Variants in MAP6 observed in about 807,000 individuals in gnomAD.
MAP6 encodes the protein microtubule-associated protein 6.
In MAP6, 26 loss-of-function variants were observed where a neutral mutation model predicts 42.4. That is an observed-to-expected ratio of 0.61 (90% CI 0.45 to 0.85). MAP6 has a LOEUF of 0.85. MAP6 is among the 40% of genes least tolerant of loss of function. The pLI is 0.00. For synonymous variants in MAP6, 418 were observed against 443.8 expected (o/e 0.94, Z 0.73); for missense variants, 966 against 1,099.0 (o/e 0.88, Z 1.71).
chr11:75,653,990 C>A (rs1178715734), intron 1 of MAP6, among the ~76,000 whole-genome samples: 1 of 152,210 alleles, frequency 6.6e-6, no homozygotes, highest in Non-Finnish European at 1.5e-5. Flanking sequence ...TCAATTAATT[C>A]ATATCTATTA....
chr11:75,608,014 TG>T, intron 2 of MAP6, 94 bp downstream of exon 2: 1 of 1,223,516 alleles, frequency 8.2e-7, no homozygotes, highest in Non-Finnish European at 1.2e-6. Context: ...CCGTGGAGGC[TG>T]GGCCAGATTT....
chr11:75,595,832 CTCTT>C (rs1942569767), intron 3 of MAP6, among the ~76,000 whole-genome samples: 1 of 150,064 alleles, frequency 6.7e-6, no homozygotes, highest in Non-Finnish European at 1.5e-5. Context: ...TGCTTCATCT[CTCTT>C]TCCCTCTCTC....
chr11:75,648,794 CAGA>C lies in MAP6; in HGVS notation c.905+18668_905+18670del, dbSNP rs371128772. Among the ~76,000 whole-genome samples, 12 of 152,208 alleles carry C rather than the reference CAGA, an allele frequency of 7.9e-5. No homozygotes were observed. In the East Asian group the frequency reaches 1.7e-3, roughly 22 times the overall value. On this transcript the variant is annotated intron_variant, in intron 1 of 3. Coordinates refer to ENST00000304771, the MANE Select transcript of MAP6 (RefSeq NM_033063.2). ...GGAAAGGGTAGGAATATGCAATTCA[CAGA>C]AGAAGAAATGCAAATTGTGTATAAA...
intron 1 of MAP6, among the ~76,000 whole-genome samples, chr11:75,641,345 G>A (rs953022504): frequency 8.4e-6 from 1 of 118,374 alleles, no homozygotes; most frequent in Non-Finnish European, 1.7e-5. Context: ...GGGGTGGGGG[G>A]AGGGGGAGGG....
At chr11:75,604,709 A>C (rs1392610535) in intron 3 of MAP6, 1 of 985,248 alleles carries the variant, frequency 1.0e-6, no homozygotes, top group Non-Finnish European at 1.2e-6. Context: ...ACGACACGGA[A>C]TATACTGAGA....
intron 1 of MAP6, among the ~76,000 whole-genome samples, chr11:75,661,613 A>C (rs952142724): frequency 1.3e-5 from 2 of 152,168 alleles, no homozygotes; most frequent in African/African-American, 4.8e-5. Context: ...AATAAGAGAA[A>C]AAGCATTCAA....
chr11:75,593,164 T>C (rs140144518), intron 3 of MAP6, among the ~76,000 whole-genome samples: 4 of 152,360 alleles, frequency 2.6e-5, no homozygotes, highest in African/African-American at 9.6e-5. Flanking sequence ...TAGACTGAAG[T>C]GTCCAGAGGG....
chr11:75,649,848 A>C (rs1943619643), intron 1 of MAP6, among the ~76,000 whole-genome samples: 1 of 152,082 alleles, frequency 6.6e-6, no homozygotes, highest in Admixed American at 6.6e-5. Context: ...CTCAAATATA[A>C]TAAAACGTTA....
chr11:75,632,843 A>G (rs1001747634), intron 1 of MAP6, among the ~76,000 whole-genome samples: 1 of 152,210 alleles, frequency 6.6e-6, no homozygotes, highest in Non-Finnish European at 1.5e-5. Flanking sequence ...ATTTAATTCA[A>G]TATGTTAATT....
intron 1 of MAP6, among the ~76,000 whole-genome samples, chr11:75,659,256 G>T (rs190117140): frequency 1.8e-4 from 27 of 152,204 alleles, no homozygotes; most frequent in African/African-American, 6.0e-4. Flanking sequence ...CTGAAGCAGG[G>T]GGATCACCCG....
intron 1 of MAP6, among the ~76,000 whole-genome samples, chr11:75,629,195 T>A (rs1392485135): frequency 6.6e-6 from 1 of 152,184 alleles, no homozygotes; most frequent in African/African-American, 2.4e-5. Flanking sequence ...TCAAGTGATT[T>A]TCCTGCCTTA....
chr11:75,623,178 CA>C (rs1248183964), intron 1 of MAP6, among the ~76,000 whole-genome samples: 1 of 151,952 alleles, frequency 6.6e-6, no homozygotes, highest in Non-Finnish European at 1.5e-5. Flanking sequence ...AGAAATGAAC[CA>C]ATATGGATGA....
chr11:75,613,188 C>A lies in MAP6; in HGVS notation c.906-4866G>T, dbSNP rs553771484. The stretch of plus-strand genomic sequence containing the variant: ...GGCTTGACATTCAGTGGGCAGTTAA[C>A]GGAAGTAGCTATTGTTAGATTTATT... On this transcript the variant is annotated intron_variant, in intron 1 of 3. Transcript: ENST00000304771. Among the ~76,000 whole-genome samples, 7 of 152,164 alleles carry A rather than the reference C, an allele frequency of 4.6e-5. No individual in the cohort carries two copies. In the East Asian group the frequency reaches 1.4e-3, roughly 29 times the overall value.
rs572385530 is a variant in MAP6, at chr11:75,588,318, T to C, written c.1317-134A>G. ...CTCTTGCTGGAGAGCCAGGAGAATATGATTTCTGTGTTCTTAGTACAGAAT... is the reference window on the plus strand; with the variant it reads ...CTCTTGCTGGAGAGCCAGGAGAATACGATTTCTGTGTTCTTAGTACAGAAT... On this transcript the variant is annotated intron_variant, in intron 3 of 3. Transcript: ENST00000304771. The C allele has an allele frequency of 3.5e-3, 2,412 of 694,978 alleles. 12 individuals are homozygous for C. The highest frequency in any genetic ancestry group is 5.0e-3 in the Non-Finnish European group (2,164 of 430,502). The allele number at this position is 694,978 out of a possible 1,614,324, so 43.1% of individuals were successfully genotyped here.
intron 1 of MAP6, among the ~76,000 whole-genome samples, chr11:75,617,259 A>G (rs536599190): frequency 6.6e-6 from 1 of 152,298 alleles, no homozygotes; most frequent in South Asian, 2.1e-4. Context: ...GCTCAAGCCT[A>G]TGATCCCAGC....
chr11:75,593,563 G>A (rs1009204909), intron 3 of MAP6, among the ~76,000 whole-genome samples: 2 of 152,144 alleles, frequency 1.3e-5, no homozygotes, highest in Admixed American at 1.3e-4. Context: ...GTCCATCCAC[G>A]TGGTTTTTTT....
chr11:75,604,860 G>A (rs770221130), intron 3 of MAP6: 222 of 985,476 alleles, frequency 2.3e-4, no homozygotes, highest in Non-Finnish European at 2.6e-4. Context: ...AGACCAGAGC[G>A]GTTCAGGAAG....
At chr11:75,659,210 G>A (rs1169971953) in intron 1 of MAP6, among the ~76,000 whole-genome samples, 1 of 152,198 alleles carries the variant, frequency 6.6e-6, no homozygotes, top group African/African-American at 2.4e-5. Flanking sequence ...GGCTGAGCGC[G>A]GTGGCTCATG....
intron 1 of MAP6, among the ~76,000 whole-genome samples, chr11:75,619,910 G>A (rs970438307): frequency 2.0e-5 from 3 of 152,156 alleles, no homozygotes; most frequent in South Asian, 4.1e-4. Context: ...TTCCACAATG[G>A]TTGAGCTAAT....
Sources: gnomAD v4.1 joint callset for allele counts (sites outside exome capture counted in the v4.1 genomes callset) on GRCh38, gnomAD v4.1.1 for gene constraint, MANE v1.5 for transcripts, NCBI Gene and HGNC (gene_info 2026-07-23, HGNC 2026-07-21) for gene names.